RANBP2: variants seen among roughly 807,000 people sequenced by gnomAD.
The protein encoded by RANBP2 is E3 SUMO-protein ligase RanBP2.
In RANBP2, 57 loss-of-function variants were observed where a neutral mutation model predicts 303.6. The ratio of observed to expected loss-of-function variants is 0.19; its 90% CI spans 0.15 to 0.23. The LOEUF is 0.23. RANBP2 is among the 10% of genes least tolerant of loss of function. The probability of loss-of-function intolerance (pLI) is 1.00; values close to 1 mark genes in which losing one functional copy is unlikely to be tolerated. For synonymous variants in RANBP2, 1,167 were observed against 1,301.5 expected (o/e 0.90, Z 2.23); for missense variants, 3,138 against 3,780.8 (o/e 0.83, Z 4.46).
the RANBP2 span, among the ~76,000 whole-genome samples, chr2:108,813,630 T>C: frequency 6.6e-6 from 1 of 152,194 alleles, no homozygotes; most frequent in Non-Finnish European, 1.5e-5. Flanking sequence ...ATTTGAGATA[T>C]AAATTACATA....
At chr2:109,334,537 A>G in the RANBP2 span, among the ~76,000 whole-genome samples, 1 of 152,250 alleles carries the variant, frequency 6.6e-6, no homozygotes, top group South Asian at 2.1e-4. Context: ...TAGTGGTGCC[A>G]GCCAGCAGGG....
the RANBP2 span, among the ~76,000 whole-genome samples, chr2:108,860,935 CTTTT>C: frequency 4.0e-4 from 15 of 37,926 alleles, 1 homozygote; most frequent in Admixed American, 3.0e-3. Flanking sequence ...TGGTCCAGGA[CTTTT>C]TTTTTTTTTT....
At chr2:108,872,139 A>G in the RANBP2 span, among the ~76,000 whole-genome samples, 4 of 152,196 alleles carry the variant, frequency 2.6e-5, no homozygotes, top group Non-Finnish European at 4.4e-5. Flanking sequence ...AACTTAGTAA[A>G]TAAACATTGC....
the RANBP2 span, among the ~76,000 whole-genome samples, chr2:108,853,681 G>A: frequency 6.7e-6 from 1 of 149,136 alleles, no homozygotes; most frequent in Non-Finnish European, 1.5e-5. Context: ...CATGCACTAC[G>A]ATGACCATCT....
the RANBP2 span, among the ~76,000 whole-genome samples, chr2:108,989,634 A>T: frequency 6.6e-6 from 1 of 152,128 alleles, no homozygotes; most frequent in Non-Finnish European, 1.5e-5. Flanking sequence ...TTGAGCCACC[A>T]GGACTGCTCT....
chr2:108,757,286 A>G (rs1430211521), intron 17 of RANBP2, among the ~76,000 whole-genome samples: 1 of 152,214 alleles, frequency 6.6e-6, no homozygotes, highest in Non-Finnish European at 1.5e-5. Flanking sequence ...TTTCTTCAGC[A>G]GAGATGAGGT....
At chr2:109,085,954 T>G in the RANBP2 span, among the ~76,000 whole-genome samples, 1 of 152,154 alleles carries the variant, frequency 6.6e-6, no homozygotes, top group South Asian at 2.1e-4. Context: ...AGTACATTCA[T>G]GCCATGTACT....
chr2:109,611,933 A>G, the RANBP2 span, among the ~76,000 whole-genome samples: 2 of 152,224 alleles, frequency 1.3e-5, no homozygotes, highest in Non-Finnish European at 2.9e-5. Context: ...GTTTCTTACA[A>G]AACTAAGCAT....
chr2:109,004,409 C>T, the RANBP2 span, among the ~76,000 whole-genome samples: 2 of 152,216 alleles, frequency 1.3e-5, no homozygotes, highest in Admixed American at 6.5e-5. Flanking sequence ...AATGCACATC[C>T]TCAGACTGTA....
chr2:108,885,488 T>C, the RANBP2 span: 5 of 152,244 alleles, frequency 3.3e-5, no homozygotes, highest in Non-Finnish European at 7.3e-5. Context: ...GTACTGTATC[T>C]GTAAAAATTA....
chr2:109,615,353 C>T, the RANBP2 span: 23 of 1,612,532 alleles, frequency 1.4e-5, no homozygotes, highest in East Asian at 4.5e-5. Context: ...GCTTGCTCAC[C>T]TGCGAGCCCG....
the RANBP2 span, among the ~76,000 whole-genome samples, chr2:109,703,899 A>T: frequency 6.6e-6 from 1 of 152,198 alleles, no homozygotes; most frequent in East Asian, 1.9e-4. Context: ...TGAGGTCCAC[A>T]CCGCGTAAAT....
chr2:109,053,270 C>T, the RANBP2 span, among the ~76,000 whole-genome samples: 6 of 152,228 alleles, frequency 3.9e-5, no homozygotes, highest in Non-Finnish European at 7.3e-5. Flanking sequence ...GCGAAACACT[C>T]GGGCAAGAGA....
the RANBP2 span, among the ~76,000 whole-genome samples, chr2:109,571,213 T>A: frequency 6.6e-6 from 1 of 152,242 alleles, no homozygotes; most frequent in East Asian, 1.9e-4. Flanking sequence ...TAAGGAACTG[T>A]AAGTCAATTA....
the RANBP2 span, among the ~76,000 whole-genome samples, chr2:109,282,103 C>A: frequency 1.3e-5 from 2 of 152,074 alleles, no homozygotes; most frequent in Non-Finnish European, 2.9e-5. Flanking sequence ...TAGTTGCATT[C>A]TGGCTCAGGG....
the RANBP2 span, among the ~76,000 whole-genome samples, chr2:109,446,978 G>A: frequency 1.3e-4 from 20 of 151,812 alleles, no homozygotes; most frequent in African/African-American, 3.9e-4. Flanking sequence ...GGGGAGAGAC[G>A]AATAAATCTC....
At chr2:109,295,932 C>A in the RANBP2 span, among the ~76,000 whole-genome samples, 1 of 152,134 alleles carries the variant, frequency 6.6e-6, no homozygotes. Flanking sequence ...CCTGCCTGTG[C>A]CGACACTGCT....
the RANBP2 span, among the ~76,000 whole-genome samples, chr2:109,555,302 T>C: frequency 6.6e-6 from 1 of 152,326 alleles, no homozygotes; most frequent in East Asian, 1.9e-4. Context: ...TATCCTATCC[T>C]CAGGTTTCAG....
chr2:109,171,400 G>A, the RANBP2 span, among the ~76,000 whole-genome samples: 130 of 152,256 alleles, frequency 8.5e-4, no homozygotes, highest in Admixed American at 2.2e-3. Flanking sequence ...TGAATATTCG[G>A]AGAAAATTAT....
Sources: allele counts gnomAD v4.1 joint callset (sites outside exome capture counted in the v4.1 genomes callset), GRCh38; gene constraint gnomAD v4.1.1; transcripts MANE v1.5; gene names NCBI Gene and HGNC (gene_info 2026-07-23, HGNC 2026-07-21).